Variants in PPHLN1 observed in about 807,000 individuals in gnomAD.
The protein encoded by PPHLN1 is periphilin 1, also known as periphilin-1.
In PPHLN1, 29 loss-of-function variants were observed where a neutral mutation model predicts 51.3. That is an observed-to-expected ratio of 0.57 (90% CI 0.42 to 0.77). The LOEUF (loss-of-function observed/expected upper bound fraction) is 0.77, where lower values mean the gene tolerates loss of function less well. PPHLN1 is among the 30% of genes least tolerant of loss of function. PPHLN1 has a pLI of 0.00. For missense variants in PPHLN1, 436 were observed against 438.4 expected (o/e 0.99, Z 0.05); for synonymous variants, 147 against 147.8 (o/e 0.99, Z 0.04).
At chr12:42,344,906 C>A (rs2072059182) in intron 2 of PPHLN1, among the ~76,000 whole-genome samples, 1 of 151,984 alleles carries the variant, frequency 6.6e-6, no homozygotes, top group Admixed American at 6.6e-5. Flanking sequence ...GATGGGGTTT[C>A]ACCATGTTAG....
At chr12:42,424,896 AAG>A (rs1453709866) in intron 9 of PPHLN1, among the ~76,000 whole-genome samples, 3 of 152,024 alleles carry the variant, frequency 2.0e-5, no homozygotes, top group East Asian at 1.9e-4. Context: ...AGAAAACAAA[AAG>A]AAAAAAAGCA....
Position 42,374,859 on chromosome 12 carries a change from A to G in PPHLN1, c.300-4A>G. On this transcript the variant is annotated splice_polypyrimidine_tract_variant and splice_region_variant and intron_variant, in intron 4 of 9. Transcript: ENST00000358314. ...CTTATTTTATGTTTTTTTTTTTTTCAAAGGGACATGAGAGATGGCTTTAGA... is the reference window on the plus strand; with the variant it reads ...CTTATTTTATGTTTTTTTTTTTTTCGAAGGGACATGAGAGATGGCTTTAGA... The G allele has an allele frequency of 3.2e-6, 5 of 1,538,658 alleles. No homozygotes were observed. Among genetic ancestry groups the G allele is most frequent in the Non-Finnish European group, 4.4e-6 (5 of 1,140,864 alleles).
At chr12:42,423,717 G>A (rs143933582) in intron 9 of PPHLN1, among the ~76,000 whole-genome samples, 175 of 150,010 alleles carry the variant, frequency 1.2e-3, no homozygotes, top group African/African-American at 4.0e-3. Context: ...TCACTCTGTT[G>A]CCCAGGTTGG....
In PPHLN1 at chr12:42,358,707, A is replaced by C. The variant is rs564346675; in HGVS notation, c.299+3485A>C. ...AGGCATGAGCCATTGTTCCCGGCCA[A>C]ATTGAATCTTTTTAATGGTCAAGTA... is the stretch of plus-strand genomic sequence containing the variant. On this transcript the variant is annotated intron_variant, in intron 4 of 9. Coordinates refer to ENST00000358314, the MANE Select transcript of PPHLN1 (RefSeq NM_201439.2). 2.6e-4 allele frequency among the ~76,000 whole-genome samples: 40 copies of C among 152,314 alleles called. 1 individual carries two copies. Among genetic ancestry groups the C allele is most frequent in the African/African-American group, 9.4e-4 (39 of 41,564 alleles).
chr12:42,424,166 G>C (rs1391903646), intron 9 of PPHLN1, among the ~76,000 whole-genome samples: 1 of 152,180 alleles, frequency 6.6e-6, no homozygotes, highest in Non-Finnish European at 1.5e-5. Flanking sequence ...GGCCTGCACT[G>C]CTCCCAGAAG....
intron 9 of PPHLN1, among the ~76,000 whole-genome samples, chr12:42,428,545 CAT>C (rs1479066738): frequency 6.6e-6 from 1 of 152,062 alleles, no homozygotes; most frequent in African/African-American, 2.4e-5. Flanking sequence ...TGTTCTCACT[CAT>C]ATGTGGGAGC....
At chr12:42,343,203 T>G (rs865866322) in intron 2 of PPHLN1, among the ~76,000 whole-genome samples, 7 of 149,946 alleles carry the variant, frequency 4.7e-5, no homozygotes, top group Non-Finnish European at 7.5e-5. Flanking sequence ...ATATTTTTTC[T>G]TTCCATTCTT....
At chr12:42,416,031 A>G (rs2080351538) in intron 9 of PPHLN1, among the ~76,000 whole-genome samples, 1 of 152,206 alleles carries the variant, frequency 6.6e-6, no homozygotes. Flanking sequence ...TCATAGGTAG[A>G]GATAGGAGGT....
downstream of PPHLN1, chr12:42,443,136 C>G (rs2083096363): frequency 6.3e-6 from 1 of 157,824 alleles, no homozygotes; most frequent in Admixed American, 6.3e-5. Flanking sequence ...TTATCGCCTC[C>G]TCTTCCTCCC....
chr12:42,439,657 A>G (rs1351174708), intron 9 of PPHLN1, among the ~76,000 whole-genome samples: 2 of 152,034 alleles, frequency 1.3e-5, no homozygotes, highest in East Asian at 3.9e-4. Context: ...GGGACTACAG[A>G]CAGTGCCATC....
chr12:42,361,551 G>A (rs938303637), intron 4 of PPHLN1: 7 of 152,148 alleles, frequency 4.6e-5, no homozygotes, highest in African/African-American at 7.2e-5. Flanking sequence ...TCAGTGAGTT[G>A]TAATTCATTG....
intron 2 of PPHLN1, among the ~76,000 whole-genome samples, chr12:42,347,411 A>G (rs1390497005): frequency 6.6e-6 from 1 of 152,246 alleles, no homozygotes. Context: ...TTGCATAAGA[A>G]TTTCAGTGTT....
chr12:42,360,573 G>T (rs957316713), intron 4 of PPHLN1, among the ~76,000 whole-genome samples: 1 of 141,218 alleles, frequency 7.1e-6, no homozygotes, highest in Non-Finnish European at 1.5e-5. Flanking sequence ...TCGGCTCACT[G>T]CAACCTCTGC....
intron 1 of PPHLN1, among the ~76,000 whole-genome samples, chr12:42,329,104 T>TG (rs2069251462): frequency 4.2e-5 from 6 of 144,116 alleles, no homozygotes; most frequent in African/African-American, 1.6e-4. Flanking sequence ...ATTTTTTTTT[T>TG]TTTTTGTGTG....
downstream of PPHLN1, chr12:42,446,481 CA>C (rs1365925398): frequency 6.7e-4 from 915 of 1,373,520 alleles, 2 homozygotes; most frequent in South Asian, 4.0e-3. Context: ...GAAGGATATG[CA>C]AAAAAAAATC....
chr12:42,331,513 A>G (rs1232915031), intron 1 of PPHLN1, among the ~76,000 whole-genome samples: 1 of 152,206 alleles, frequency 6.6e-6, no homozygotes, highest in East Asian at 1.9e-4. Flanking sequence ...TTAACATAAC[A>G]GTGGTTGGAT....
chr12:42,334,615 C>T (rs1443964195), intron 1 of PPHLN1, among the ~76,000 whole-genome samples: 3 of 152,190 alleles, frequency 2.0e-5, no homozygotes, highest in Non-Finnish European at 4.4e-5. Context: ...AATCTTTTGA[C>T]ATTAAGTCTT....
intron 1 of PPHLN1, chr12:42,331,930 C>A (rs2069805789): frequency 6.6e-6 from 1 of 152,204 alleles, no homozygotes; most frequent in Admixed American, 6.5e-5. Context: ...TGGATAATAT[C>A]ATAAACAACA....
At chr12:42,350,089 ACGGGGCGGCTGCCGGG>A (rs2073036926) in intron 2 of PPHLN1, 2 of 148,816 alleles carry the variant, frequency 1.3e-5, no homozygotes, top group Admixed American at 1.3e-4. Flanking sequence ...CACCTCCCAG[ACGGGGCGGCTGCCGGG>A]CGGGGGCGCC....
Sources: allele counts gnomAD v4.1 joint callset (sites outside exome capture counted in the v4.1 genomes callset), GRCh38; gene constraint gnomAD v4.1.1; transcripts MANE v1.5; gene names NCBI Gene and HGNC (gene_info 2026-07-23, HGNC 2026-07-21).